Variants in TMEM260 observed in about 807,000 individuals in gnomAD.
TMEM260 encodes the protein transmembrane protein 260, also known as protein O-mannosyl-transferase TMEM260.
In TMEM260, 82 loss-of-function variants were observed where a neutral mutation model predicts 88.9. That is an observed-to-expected ratio of 0.92 (90% confidence interval 0.77 to 1.11). The LOEUF is 1.11. Among genes scored for constraint, TMEM260 ranks in the 50% least tolerant of loss-of-function variants. TMEM260 has a pLI of 0.00. For missense variants in TMEM260, 902 were observed against 853.4 expected (o/e 1.06, Z -0.71); for synonymous variants, 314 against 309.3 (o/e 1.02, Z -0.16).
Position 56,618,709 on chromosome 14 carries a change from T to C in TMEM260, c.1172T>C (p.Leu391Pro). The C allele has an allele frequency of 6.2e-7, 1 of 1,614,216 alleles. No homozygotes were observed. The highest frequency in any genetic ancestry group is 8.5e-7 in the Non-Finnish European group (1 of 1,180,034). ...RVLNSNGLQC[L>P]EWLSATLFVV... ...CTGAATAGCAATGGGCTTCAGTGTC[T>C]GGAATGGCTTTCTGCAACTCTTTTT... Residue 391 changes from leucine (L) to proline (P), a missense_variant, in exon 10 of 16, where the codon CTG becomes CCG. Coordinates refer to ENST00000261556, the MANE Select transcript of TMEM260 (RefSeq NM_017799.4).
chr14:56,618,896 T>A, intron 10 of TMEM260, 133 bp downstream of exon 10: 1 of 850,682 alleles, frequency 1.2e-6, no homozygotes, highest in Non-Finnish European at 1.8e-6. Flanking sequence ...TTGAATGCAG[T>A]AGTTCTTTAA....
intron 15 of TMEM260, among the ~76,000 whole-genome samples, chr14:56,636,907 CAG>C (rs1320667655): frequency 1.3e-5 from 2 of 152,190 alleles, no homozygotes; most frequent in South Asian, 2.1e-4. Flanking sequence ...TGTCTTGAGA[CAG>C]GGGGTTACCC....
intron 1 of TMEM260, among the ~76,000 whole-genome samples, chr14:56,582,878 A>C (rs1036503952): frequency 6.6e-6 from 1 of 152,112 alleles, no homozygotes; most frequent in Non-Finnish European, 1.5e-5. Flanking sequence ...CATCTTTTCT[A>C]TTTCGATTTT....
At chr14:56,594,023 AAATTATCATAG>A (rs1186380817) in intron 3 of TMEM260, among the ~76,000 whole-genome samples, 2 of 152,098 alleles carry the variant, frequency 1.3e-5, no homozygotes, top group Non-Finnish European at 2.9e-5. Flanking sequence ...TGTGTTATTA[AAATTATCATAG>A]TGGTGGTGGT....
chr14:56,617,277 A>G lies in TMEM260; in HGVS notation c.1036A>G (p.Lys346Glu). 5.0e-6 allele frequency: 8 copies of G among 1,597,782 alleles called. No homozygotes were observed. The highest frequency in any genetic ancestry group is 6.8e-6 in the Non-Finnish European group (8 of 1,173,742). The part of the protein sequence containing the change: ...FAWRANLDIS[K>E]PLFMGVVERF... ...TTGGAGAGCAAATTTAGATATTTCA[A>G]AACCACTTTTCATGGGTGTGGTAAG... Residue 346 changes from lysine (K) to glutamate (E), a missense_variant, in exon 9 of 16, where the codon AAA becomes GAA. Transcript: ENST00000261556.
In TMEM260 at chr14:56,621,474, T is replaced by C; in HGVS notation, c.1227-57T>C. Reference sequence around the variant, plus strand: ...AATGGCATAGAAAATAAGCCTAGTCTTATTAAAACTGTAGCAAAGTGTTGC... The same window carrying C: ...AATGGCATAGAAAATAAGCCTAGTCCTATTAAAACTGTAGCAAAGTGTTGC... On this transcript the variant is annotated intron_variant, in intron 10 of 15. Coordinates refer to ENST00000261556, the MANE Select transcript of TMEM260 (RefSeq NM_017799.4). 4 of 1,358,704 alleles carry C rather than the reference T, an allele frequency of 2.9e-6. No individual in the cohort carries two copies. In the South Asian group the frequency reaches 4.4e-5, roughly 15 times the overall value. The allele number at this position is 1,358,704 out of a possible 1,614,324, so 84.2% of individuals were successfully genotyped here. A position where few individuals can be genotyped will look rare whatever the true frequency, so the allele number is the denominator to read the frequency against.
intron 15 of TMEM260, among the ~76,000 whole-genome samples, chr14:56,642,569 A>C (rs1480569771): frequency 6.6e-6 from 1 of 152,226 alleles, no homozygotes; most frequent in Non-Finnish European, 1.5e-5. Context: ...AAGATCTAAA[A>C]TTGACACCCT....
intron 15 of TMEM260, among the ~76,000 whole-genome samples, chr14:56,645,584 G>A (rs1478778314): frequency 2.6e-5 from 4 of 152,062 alleles, no homozygotes; most frequent in South Asian, 2.1e-4. Flanking sequence ...CATGGCACAT[G>A]TATACATATG....
At chr14:56,593,052 C>G (rs1885962398) in intron 3 of TMEM260, 1 of 152,174 alleles carries the variant, frequency 6.6e-6, no homozygotes, top group Admixed American at 6.5e-5. Flanking sequence ...TATACCTTAT[C>G]AATAGCAAAC....
intron 15 of TMEM260, among the ~76,000 whole-genome samples, chr14:56,641,187 A>G (rs1311471933): frequency 6.6e-6 from 1 of 151,660 alleles, no homozygotes; most frequent in Non-Finnish European, 1.5e-5. Context: ...ACTCCTCGAG[A>G]AGAGCAACTC....
intron 15 of TMEM260, among the ~76,000 whole-genome samples, chr14:56,639,279 A>ATGATACATTT (rs1353610001): frequency 6.6e-6 from 1 of 151,718 alleles, no homozygotes; most frequent in Non-Finnish European, 1.5e-5. Context: ...CAACAACATT[A>ATGATACATTT]TGATACATTT....
rs1479925828 is a variant in TMEM260, at chr14:56,648,669, A to G, written c.*1172A>G. ...TTGTACTAGCAAAAGGGTCTGATCA[A>G]AGGTCTCCTGTGGAGCTTGCATGGT... On this transcript the variant is annotated 3_prime_UTR_variant, in exon 16 of 16. Transcript: ENST00000261556. The G allele has an allele frequency of 6.6e-6, 1 of 152,634 alleles. No individual in the cohort carries two copies. The highest frequency in any genetic ancestry group is 2.4e-5 in the African/African-American group (1 of 41,442). 9.5% of individuals were successfully genotyped at this position (152,634 alleles called of 1,614,324 possible). A position where few individuals can be genotyped will look rare whatever the true frequency, so the allele number is the denominator to read the frequency against.
intron 13 of TMEM260, among the ~76,000 whole-genome samples, chr14:56,634,302 A>G (rs917694566): frequency 7.2e-5 from 11 of 152,172 alleles, no homozygotes; most frequent in African/African-American, 2.4e-4. Flanking sequence ...GCCATCTAAC[A>G]TATAGTTCTT....
chr14:56,660,797 T>C, the TMEM260 span, among the ~76,000 whole-genome samples: 1 of 152,190 alleles, frequency 6.6e-6, no homozygotes, highest in Non-Finnish European at 1.5e-5. Flanking sequence ...TCTGTCTCGC[T>C]CTCTCTTCTC....
At chr14:56,615,733 T>C (rs1030045524) in intron 7 of TMEM260, 4 of 509,058 alleles carry the variant, frequency 7.9e-6, no homozygotes, top group Non-Finnish European at 1.4e-5. Flanking sequence ...TATAAGTTGA[T>C]AACCAAATGT....
At chr14:56,579,547 C>A (rs1352016673), upstream of TMEM260, 8 of 198,114 alleles carry the variant, frequency 4.0e-5, no homozygotes, top group Non-Finnish European at 7.1e-5. Flanking sequence ...CTGCTTTGGT[C>A]TCTGTCAGAC....
chr14:56,637,826 T>C (rs1889229128), intron 15 of TMEM260, among the ~76,000 whole-genome samples: 1 of 150,604 alleles, frequency 6.6e-6, no homozygotes, highest in African/African-American at 2.4e-5. Flanking sequence ...CCATAGCAAA[T>C]AGTGTGTTGG....
chr14:56,637,314 T>G (rs1889180518), intron 15 of TMEM260, among the ~76,000 whole-genome samples: 1 of 152,218 alleles, frequency 6.6e-6, no homozygotes, highest in Non-Finnish European at 1.5e-5. Flanking sequence ...TGATAGGGCC[T>G]TGGCTTGTTG....
intron 15 of TMEM260, among the ~76,000 whole-genome samples, chr14:56,637,399 A>ACTAACCTTCGGAAGACAC (rs1566573725): frequency 2.0e-5 from 3 of 152,190 alleles, no homozygotes; most frequent in African/African-American, 7.2e-5. Flanking sequence ...AGGAAGCCAA[A>ACTAACCTTCGGAAGACAC]CTAACCTTCG....
Sources: gnomAD v4.1 joint callset for allele counts (sites outside exome capture counted in the v4.1 genomes callset) on GRCh38, gnomAD v4.1.1 for gene constraint, MANE v1.5 for transcripts, NCBI Gene and HGNC (gene_info 2026-07-23, HGNC 2026-07-21) for gene names.